Variants in WRN observed in about 807,000 individuals in gnomAD.
WRN encodes WRN RecQ like helicase, also known as bifunctional 3'-5' exonuclease/ATP-dependent helicase WRN.
WRN carries 149 observed loss-of-function variants against 180.7 expected under a neutral mutation model. That is an observed-to-expected ratio of 0.82 (90% CI 0.72 to 0.94). The LOEUF (loss-of-function observed/expected upper bound fraction) is 0.94. Ranked by LOEUF, WRN falls within the 40% of genes least tolerant of loss-of-function variation. The pLI is 0.00. For missense variants in WRN, 1,661 were observed against 1,700.1 expected, an observed-to-expected ratio of 0.98 and a Z score of 0.40; for synonymous variants, 548 against 568.9, an observed-to-expected ratio of 0.96 and a Z score of 0.52.
chr8:31,134,096 C>T (rs935512196), intron 24 of WRN, among the ~76,000 whole-genome samples: 2 of 152,156 alleles, frequency 1.3e-5, no homozygotes, highest in African/African-American at 4.8e-5. Flanking sequence ...AAAAGTACCA[C>T]TTAATGAAAA....
intron 33 of WRN, among the ~76,000 whole-genome samples, chr8:31,163,799 C>A (rs982848708): frequency 2.6e-5 from 4 of 151,478 alleles, no homozygotes; most frequent in African/African-American, 2.4e-5. Context: ...ATTTTTGTAG[C>A]CTACTTTTAA....
intron 24 of WRN, 97 bp from the exon 25 acceptor site, chr8:31,141,333 A>C: frequency 2.0e-6 from 3 of 1,481,780 alleles, no homozygotes; most frequent in Non-Finnish European, 2.8e-6. Context: ...GTTGAAATTT[A>C]GTGTAAATCC....
rs61761625 is a variant in WRN, at chr8:31,065,005, G to C, written c.446G>C (p.Arg149Pro). 1.9e-6 allele frequency: 3 copies of C among 1,613,646 alleles called. No individual in the cohort carries two copies. The highest frequency in any genetic ancestry group is 3.3e-5 in the Admixed American group (2 of 60,020). ...GIEGDQWKLLRDFDIKLKNFV... is the reference protein window; with the variant it reads ...GIEGDQWKLLPDFDIKLKNFV... ...GAAGGAGATCAGTGGAAACTTCTACGTGACTTTGATATCAAATTGAAGAAT... is the reference window on the plus strand; with the variant it reads ...GAAGGAGATCAGTGGAAACTTCTACCTGACTTTGATATCAAATTGAAGAAT... The change falls in exon 5 of 35, where the codon CGT (arginine) becomes CCT (proline). Residue 149 changes from arginine (R) to proline (P), a missense_variant. Arg to Pro is a moderately radical substitution (Grantham distance 103). Around this residue, in one of 3 missense-constraint regions of WRN, gnomAD observed 500 missense variants for 504.1 expected, o/e 0.99. Coordinates refer to ENST00000298139, the MANE Select transcript of WRN (RefSeq NM_000553.6).
At position 31,147,393 on chromosome 8, in the gene WRN, T is replaced by G. The variant is rs2130440719; in HGVS notation, c.3489T>G (p.Ala1163=). ...QIVLYGKLVE[A]RQKHANKMDV... ...TGTTATATGGCAAATTGGTAGAAGC[T>G]AGGCAGAAACATGCCAATAAAATGG... The change falls in exon 30 of 35, where the codon GCT becomes GCG. Residue 1163 remains alanine, a synonymous_variant. Coordinates refer to ENST00000298139, the MANE Select transcript of WRN (RefSeq NM_000553.6). The G allele has an allele frequency of 6.2e-7, 1 of 1,614,096 alleles. No homozygotes were observed. Among genetic ancestry groups the G allele is most frequent in the East Asian group, 2.2e-5 (1 of 44,846 alleles).
chr8:31,035,628 G>A (rs1006732716), intron 1 of WRN, among the ~76,000 whole-genome samples: 2 of 152,130 alleles, frequency 1.3e-5, no homozygotes, highest in African/African-American at 2.4e-5. Context: ...TTAGGGAAAC[G>A]TGATCTGAAT....
At position 31,157,484 on chromosome 8, in the gene WRN, T is replaced by C. The variant is rs1385403762; in HGVS notation, c.3936T>C (p.Val1312=). The change falls in exon 33 of 35, where the codon GTT becomes GTC. Residue 1312 remains valine, a synonymous_variant. Transcript: ENST00000298139. ...DLERAGLTPE[V]QKIIADVIRN... The stretch of plus-strand genomic sequence containing the variant: ...AGCGAGCAGGCCTGACTCCAGAGGT[T>C]CAGAAGATTATTGCTGATGTTATCC... 1.2e-6 allele frequency: 2 copies of C among 1,614,094 alleles called. No individual in the cohort carries two copies. The highest frequency in any genetic ancestry group is 2.7e-5 in the African/African-American group (2 of 75,028).
intron 24 of WRN, among the ~76,000 whole-genome samples, chr8:31,133,279 C>G (rs1802257098): frequency 6.6e-6 from 1 of 152,102 alleles, no homozygotes; most frequent in Non-Finnish European, 1.5e-5. Context: ...TGCAAATATG[C>G]ATATTTATTA....
chr8:31,035,323 A>G lies in WRN; in HGVS notation c.-77+1350A>G, dbSNP rs150811249. Among the ~76,000 whole-genome samples, 8 of 152,196 alleles carry G rather than the reference A, an allele frequency of 5.3e-5. No individual in the cohort carries two copies. The South Asian group carries it at 8.3e-4, about 16-fold the overall frequency. On this transcript the variant is annotated intron_variant, in intron 1 of 34. Coordinates refer to ENST00000298139, the MANE Select transcript of WRN (RefSeq NM_000553.6). ...GGCTGTAGGGAGCTGCAGTTTTACA[A>G]TAAGTGGTCAGGGACGTCCTCGCTG...
At chr8:31,074,862 G>A (rs986361227) in intron 7 of WRN, among the ~76,000 whole-genome samples, 2 of 152,114 alleles carry the variant, frequency 1.3e-5, no homozygotes, top group South Asian at 2.1e-4. Flanking sequence ...AAAGGTGATA[G>A]GATCAATGCA....
At chr8:31,084,848 G>T in intron 10 of WRN, among the ~76,000 whole-genome samples, 1 of 152,040 alleles carries the variant, frequency 6.6e-6, no homozygotes. Flanking sequence ...AAAAAGTTTG[G>T]GAGACACAGT....
intron 24 of WRN, among the ~76,000 whole-genome samples, chr8:31,139,999 C>CTTTTTTTTTTT (rs1563375284): frequency 4.0e-5 from 3 of 74,706 alleles, no homozygotes; most frequent in African/African-American, 1.6e-4. Flanking sequence ...TTGTATACTT[C>CTTTTTTTTTTT]TTTGTTTTTT....
In WRN at chr8:31,073,518, C is replaced by T. The variant is rs546066486; in HGVS notation, c.725-2655C>T. 5.3e-5 allele frequency among the ~76,000 whole-genome samples: 8 copies of T among 150,964 alleles called. No individual in the cohort carries two copies. The South Asian group carries it at 1.7e-3, about 32-fold the overall frequency. ...CTAAGTTTTAGATGATTATTGATATCCAAGAGATATCAATATTTGGGATCA... is the reference window on the plus strand; with the variant it reads ...CTAAGTTTTAGATGATTATTGATATTCAAGAGATATCAATATTTGGGATCA... On this transcript the variant is annotated intron_variant, in intron 7 of 34. Transcript: ENST00000298139.
At chr8:31,082,226 C>A (rs1813344899) in intron 9 of WRN, among the ~76,000 whole-genome samples, 1 of 152,100 alleles carries the variant, frequency 6.6e-6, no homozygotes. Flanking sequence ...TACAAAATTA[C>A]TTAAGATGCC....
chr8:31,043,690 A>G (rs1811741030), intron 1 of WRN, among the ~76,000 whole-genome samples: 1 of 152,150 alleles, frequency 6.6e-6, no homozygotes, highest in African/African-American at 2.4e-5. Flanking sequence ...AGCCCTTCAT[A>G]CTACTCTCAG....
intron 19 of WRN, among the ~76,000 whole-genome samples, chr8:31,112,174 A>G (rs1422554111): frequency 6.6e-6 from 1 of 152,086 alleles, no homozygotes; most frequent in Admixed American, 6.6e-5. Context: ...TCCTGGGTTC[A>G]AGCAGTCCTC....
rs368120966 is a variant in WRN at position 31,085,182 on chromosome 8, A to T, written c.1367A>T (p.Asp456Val). Residue 456 changes from aspartate to valine, a missense_variant, in exon 11 of 35, where the codon GAT (aspartate) becomes GTT (valine). Physicochemically the swap from Asp to Val is radical, Grantham distance 152 (BLOSUM62 -3). This residue lies in a region of WRN where 20 missense variants were observed against 46.7 expected (regional missense o/e 0.43). Coordinates refer to ENST00000298139, the MANE Select transcript of WRN (RefSeq NM_000553.6). The part of the protein sequence containing the change: ...MEMLKHLSPN[D>V]NENDTSYVIE... ...TTTTTAAAGCATTTATCTCCCAATG[A>T]TAATGAAAACGATACGTCCTATGTA... 10 of 1,613,014 alleles carry T rather than the reference A, an allele frequency of 6.2e-6. No homozygotes were observed. The highest frequency in any genetic ancestry group is 1.1e-5 in the South Asian group (1 of 91,066).
intron 5 of WRN, among the ~76,000 whole-genome samples, chr8:31,065,508 T>TAGG (rs1440048701): frequency 6.6e-6 from 1 of 152,232 alleles, no homozygotes. Context: ...GTTCCTGCGT[T>TAGG]AGTTTGCTAA....
At chr8:31,111,485 A>G in intron 18 of WRN, 130 bp from the exon 19 acceptor site, 1 of 1,107,778 alleles carries the variant, frequency 9.0e-7, no homozygotes, top group East Asian at 2.6e-5. Context: ...TTGCAAAAAA[A>G]TTTTACAGTT....
chr8:31,157,306 AT>A, intron 32 of WRN, 61 bp from the exon 33 acceptor site: 1 of 1,604,876 alleles, frequency 6.2e-7, no homozygotes. Flanking sequence ...TGGACATTTT[AT>A]TTCCATGACT....
Sources: allele counts gnomAD v4.1 joint callset (sites outside exome capture counted in the v4.1 genomes callset), GRCh38; gene constraint gnomAD v4.1.1; regional missense constraint gnomAD v4.1.1; transcripts MANE v1.5; gene names NCBI Gene and HGNC (gene_info 2026-07-23, HGNC 2026-07-21).